MSI2: variants seen among roughly 807,000 people sequenced by gnomAD.
MSI2 encodes the protein RNA-binding protein Musashi homolog 2.
Under a neutral mutation model 45.6 loss-of-function variants are expected in MSI2, and 17 were observed. That is an observed-to-expected ratio of 0.37 (90% confidence interval 0.26 to 0.56). The LOEUF is 0.56. MSI2 is among the 20% of genes least tolerant of loss of function. The pLI, the probability that MSI2 is intolerant of heterozygous loss-of-function variation, is 0.77. For synonymous variants in MSI2, 156 were observed against 158.2 expected (o/e 0.99, Z 0.11); for missense variants, 293 against 444.2 (o/e 0.66, Z 3.06).
At chr17:57,604,059 G>A (rs779598572) in intron 8 of MSI2, among the ~76,000 whole-genome samples, 20 of 152,240 alleles carry the variant, frequency 1.3e-4, no homozygotes, top group Non-Finnish European at 2.6e-4. Flanking sequence ...AGAACAGGGT[G>A]CTGTCAACCA....
At chr17:57,518,614 G>C (rs990890737) in intron 6 of MSI2, among the ~76,000 whole-genome samples, 1 of 152,184 alleles carries the variant, frequency 6.6e-6, no homozygotes. Context: ...GCACATCAGT[G>C]CTCCCCTAAA....
At chr17:57,559,061 T>C (rs1438020737) in intron 7 of MSI2, among the ~76,000 whole-genome samples, 1 of 151,006 alleles carries the variant, frequency 6.6e-6, no homozygotes, top group Non-Finnish European at 1.5e-5. Flanking sequence ...AGACTCCATC[T>C]AAAAAAAAAG....
At chr17:57,466,704 A>G (rs954963689) in intron 6 of MSI2, among the ~76,000 whole-genome samples, 1 of 152,200 alleles carries the variant, frequency 6.6e-6, no homozygotes, top group Non-Finnish European at 1.5e-5. Context: ...GATATTTAAA[A>G]TATTCAGGAG....
intron 7 of MSI2, among the ~76,000 whole-genome samples, chr17:57,561,009 G>A (rs1020114681): frequency 6.6e-6 from 1 of 152,228 alleles, no homozygotes; most frequent in African/African-American, 2.4e-5. Flanking sequence ...CAGGGGAAAT[G>A]GTGACTTTCC....
chr17:57,347,931 G>C (rs188161783), intron 5 of MSI2, among the ~76,000 whole-genome samples: 78 of 152,242 alleles, frequency 5.1e-4, no homozygotes, highest in Non-Finnish European at 1.5e-4. Flanking sequence ...TATGGCGATA[G>C]AGCGGTGAGC....
intron 7 of MSI2, among the ~76,000 whole-genome samples, chr17:57,530,946 G>A (rs1363622116): frequency 6.8e-6 from 1 of 147,666 alleles, no homozygotes; most frequent in East Asian, 2.1e-4. Flanking sequence ...GTGTCAAGTG[G>A]TATTTATGGA....
At chr17:57,687,536 A>G (rs1913909820), downstream of MSI2, among the ~76,000 whole-genome samples, 1 of 152,082 alleles carries the variant, frequency 6.6e-6, no homozygotes, top group African/African-American at 2.4e-5. Context: ...AATATAAATT[A>G]CCAAAACTAG....
Position 57,675,031 on chromosome 17 carries a change from G to T in MSI2, c.850G>T (p.Asp284Tyr). The T allele has an allele frequency of 6.2e-7, 1 of 1,613,972 alleles. No homozygotes were observed. Among genetic ancestry groups the T allele is most frequent in the Non-Finnish European group, 8.5e-7 (1 of 1,179,996 alleles). The part of the protein sequence containing the change: ...PGANSPGPVA[D>Y]LYGPASQDSG... ...GGCCAACAGCCCAGGACCTGTCGCC[G>T]ATCTCTACGGCCCTGCCAGCCAGGA... is the stretch of plus-strand genomic sequence containing the variant. The change falls in exon 12 of 14, where the codon GAT (aspartate) becomes TAT (tyrosine). Residue 284 changes from aspartate (D) to tyrosine (Y), a missense_variant. Physicochemically the swap from Asp to Tyr is radical, Grantham distance 160. Coordinates refer to ENST00000284073, the MANE Select transcript of MSI2 (RefSeq NM_138962.4).
chr17:57,257,891 C>A (rs1413963333), intron 3 of MSI2, among the ~76,000 whole-genome samples: 1 of 152,038 alleles, frequency 6.6e-6, no homozygotes, highest in Non-Finnish European at 1.5e-5. Flanking sequence ...TCCCAGCTCC[C>A]CAAACTCTTA....
intron 5 of MSI2, among the ~76,000 whole-genome samples, chr17:57,284,071 T>C (rs1909654897): frequency 6.6e-6 from 1 of 152,196 alleles, no homozygotes; most frequent in Non-Finnish European, 1.5e-5. Context: ...ATTTTCTGGA[T>C]CGACACAGCC....
At chr17:57,587,224 G>A (rs936956131) in intron 7 of MSI2, among the ~76,000 whole-genome samples, 13 of 152,144 alleles carry the variant, frequency 8.5e-5, no homozygotes, top group South Asian at 2.1e-4. Flanking sequence ...ATAAATGGTC[G>A]CCAGGTTATG....
chr17:57,379,627 T>A (rs1056020974), intron 5 of MSI2, among the ~76,000 whole-genome samples: 1 of 152,130 alleles, frequency 6.6e-6, no homozygotes, highest in Non-Finnish European at 1.5e-5. Context: ...CCCTTTTACC[T>A]CTCACCACAG....
At chr17:57,430,418 C>G (rs1027584375) in intron 6 of MSI2, among the ~76,000 whole-genome samples, 1 of 152,150 alleles carries the variant, frequency 6.6e-6, no homozygotes, top group Non-Finnish European at 1.5e-5. Flanking sequence ...GGGGCAAGTT[C>G]CTTGAAGGCA....
At chr17:57,697,516 C>G in the MSI2 span, among the ~76,000 whole-genome samples, 1 of 152,168 alleles carries the variant, frequency 6.6e-6, no homozygotes, top group Non-Finnish European at 1.5e-5. Flanking sequence ...ACTCCCACCC[C>G]CTTGAAGTCG....
chr17:57,634,219 C>A (rs1909653772), intron 10 of MSI2, among the ~76,000 whole-genome samples: 1 of 152,222 alleles, frequency 6.6e-6, no homozygotes, highest in Non-Finnish European at 1.5e-5. Context: ...AATCCCAACA[C>A]TTTGGGGAGG....
At chr17:57,260,826 T>C (rs1035585142) in intron 4 of MSI2, among the ~76,000 whole-genome samples, 1 of 152,174 alleles carries the variant, frequency 6.6e-6, no homozygotes, top group Non-Finnish European at 1.5e-5. Context: ...GCTGGGACCC[T>C]AGGTGATGTA....
At chr17:57,302,233 T>C (rs1170624724) in intron 5 of MSI2, among the ~76,000 whole-genome samples, 1 of 152,174 alleles carries the variant, frequency 6.6e-6, no homozygotes, top group African/African-American at 2.4e-5. Flanking sequence ...ACATTTTTCT[T>C]TGTGTTGAGG....
chr17:57,647,079 C>A (rs905827621), intron 10 of MSI2, among the ~76,000 whole-genome samples: 5 of 152,038 alleles, frequency 3.3e-5, no homozygotes, highest in Admixed American at 3.3e-4. Context: ...GTTAACTCCA[C>A]TAAAATGATG....
intron 11 of MSI2, among the ~76,000 whole-genome samples, chr17:57,663,191 G>A (rs936947587): frequency 6.6e-6 from 1 of 152,198 alleles, no homozygotes; most frequent in Non-Finnish European, 1.5e-5. Flanking sequence ...GCGGGGCCAA[G>A]GCGGGAGCAG....
Sources: allele counts gnomAD v4.1 joint callset (sites outside exome capture counted in the v4.1 genomes callset), GRCh38; gene constraint gnomAD v4.1.1; transcripts MANE v1.5; gene names NCBI Gene and HGNC (gene_info 2026-07-23, HGNC 2026-07-21).